Variants in CPNE7 observed in about 807,000 individuals in gnomAD.
The protein encoded by CPNE7 is copine 7.
A neutral mutation model predicts 66.5 loss-of-function variants in CPNE7; 78 were observed. That is an observed-to-expected ratio of 1.17 (90% CI 0.98 to 1.42). CPNE7 has a LOEUF of 1.42. Among genes scored for constraint, CPNE7 ranks in the 40% most tolerant of loss-of-function variants. CPNE7 has a pLI of 0.00. For missense variants in CPNE7, 1,012 were observed against 776.6 expected (o/e 1.30, Z -3.60); for synonymous variants, 468 against 336.7 (o/e 1.39, Z -4.27).
intron 11 of CPNE7, 106 bp downstream of exon 11, chr16:89,590,057 A>G: frequency 7.7e-7 from 1 of 1,292,966 alleles, no homozygotes; most frequent in Non-Finnish European, 1.1e-6. Context: ...TGGGAACCGG[A>G]GACTGTAGGA....
At chr16:89,582,897 G>A (rs985708517) in intron 2 of CPNE7, among the ~76,000 whole-genome samples, 3 of 152,250 alleles carry the variant, frequency 2.0e-5, no homozygotes, top group African/African-American at 7.2e-5. Context: ...AGGAGATGAC[G>A]GCCACCCCGC....
In CPNE7 at chr16:89,577,520, C is replaced by T; in HGVS notation, c.175-19C>T. 2 of 1,550,468 alleles carry T rather than the reference C, an allele frequency of 1.3e-6. No homozygotes were observed. The highest frequency in any genetic ancestry group is 1.7e-6 in the Non-Finnish European group (2 of 1,146,578). Reference sequence around the variant, plus strand: ...GTGGAAGCCTCTGGAGTGGGGTCGGCTCACAGGTGCACTTGCAGGTGGGCA... The same window carrying T: ...GTGGAAGCCTCTGGAGTGGGGTCGGTTCACAGGTGCACTTGCAGGTGGGCA... On this transcript the variant is annotated intron_variant, in intron 1 of 14. Coordinates refer to ENST00000319518, the MANE Select transcript of CPNE7 (RefSeq NM_153636.3).
intron 9 of CPNE7, chr16:89,587,701 C>T (rs1483295006): frequency 5.1e-5 from 18 of 353,592 alleles, no homozygotes; most frequent in Middle Eastern, 8.5e-4. Flanking sequence ...ACGCACACCC[C>T]GTGTCACCCC....
chr16:89,595,036 G>A (rs925338894), intron 13 of CPNE7, among the ~76,000 whole-genome samples: 3 of 151,990 alleles, frequency 2.0e-5, no homozygotes, highest in East Asian at 3.9e-4. Flanking sequence ...TCCTGGGATC[G>A]CAGATTTCTC....
Position 89,586,833 on chromosome 16 carries a change from C to T in CPNE7, c.867+77C>T, listed in dbSNP as rs542356627. The T allele has an allele frequency of 8.8e-6, 12 of 1,366,280 alleles. No individual in the cohort carries two copies. In the African/African-American group the frequency reaches 1.7e-4, roughly 20 times the overall value. The allele number at this position is 1,366,280 out of a possible 1,614,324, so 84.6% of individuals were successfully genotyped here. A position where few individuals can be genotyped will look rare whatever the true frequency, so the allele number is the denominator to read the frequency against. ...TGCCTCCCTCTGATTGTTGGATGGA[C>T]CCTCAACCAGAGGCCTGGTGGGCCC... is the stretch of plus-strand genomic sequence containing the variant. On this transcript the variant is annotated intron_variant, in intron 8 of 14. Coordinates refer to ENST00000319518, the MANE Select transcript of CPNE7 (RefSeq NM_153636.3).
intron 8 of CPNE7, 67 bp downstream of exon 8, chr16:89,586,823 G>T (rs1313439080): frequency 7.8e-6 from 11 of 1,414,044 alleles, no homozygotes; most frequent in East Asian, 2.3e-5. Context: ...CCCTCTGATT[G>T]TTGGATGGAC....
rs114838488 is a variant in CPNE7, at chr16:89,584,791, C to T, written c.525C>T (p.Ser175=). 414 of 1,613,488 alleles carry T rather than the reference C, an allele frequency of 2.6e-4. 4 individuals carry two copies. In the African/African-American group the frequency reaches 4.8e-3, roughly 19 times the overall value. The change falls in exon 5 of 15, where the codon TCC becomes TCT. Residue 175 remains serine, a synonymous_variant. Coordinates refer to ENST00000319518, the MANE Select transcript of CPNE7 (RefSeq NM_153636.3). The surrounding 1 kb of genome is among the most constrained non-coding windows in gnomAD (Gnocchi z 6.0). Reference sequence around the variant, plus strand: ...CTCCCCAGGACCTCTTCAGCAAGTCCGACCCCTTCCTGGAGCTCTACAGGG... The same window carrying T: ...CTCCCCAGGACCTCTTCAGCAAGTCTGACCCCTTCCTGGAGCTCTACAGGG... ...KLDDKDLFSK[S]DPFLELYRVN... is the part of the protein sequence containing the mutation.
In CPNE7 at chr16:89,591,325, G is replaced by T. The variant is rs1197910765; in HGVS notation, c.1302+65G>T. 3 of 1,467,748 alleles carry T rather than the reference G, an allele frequency of 2.0e-6. No homozygotes were observed. In the East Asian group the frequency reaches 7.3e-5, roughly 36 times the overall value. The allele number at this position is 1,467,748 out of a possible 1,614,324, so 90.9% of individuals were successfully genotyped here. A position where few individuals can be genotyped will look rare whatever the true frequency, so the allele number is the denominator to read the frequency against. On this transcript the variant is annotated intron_variant, in intron 13 of 14. Transcript: ENST00000319518. ...TCGGCTGTGTGTGCACCAGCGCGTGGACGTCAGGGAGGCACCTGGCAGAGG... is the reference window on the plus strand; with the variant it reads ...TCGGCTGTGTGTGCACCAGCGCGTGTACGTCAGGGAGGCACCTGGCAGAGG...
At chr16:89,590,063 T>G (rs1238255964) in intron 11 of CPNE7, 112 bp downstream of exon 11, 3 of 1,231,712 alleles carry the variant, frequency 2.4e-6, no homozygotes, top group Non-Finnish European at 3.5e-6. Flanking sequence ...CCGGAGACTG[T>G]AGGATGGGAT....
At position 89,595,559 on chromosome 16, in the gene CPNE7, CTCCGGGACATCGTACAGTTCGTGCCCT is replaced by C; in HGVS notation, c.1503_1529del (p.Asp501_Arg509del). 1 of 1,611,902 alleles carries C rather than the reference CTCCGGGACATCGTACAGTTCGTGCCCT, an allele frequency of 6.2e-7. No individual in the cohort carries two copies. The highest frequency in any genetic ancestry group is 8.5e-7 in the Non-Finnish European group (1 of 1,179,308). ...GCGCTCCCCACGGGGTGAGCCCGCGCTCCGGGACATCGTACAGTTCGTGCCCTTCCGGGAGCTCAAGAACGTGAGTGT... is the reference window on the plus strand; with the variant it reads ...GCGCTCCCCACGGGGTGAGCCCGCGCTCCGGGAGCTCAAGAACGTGAGTGT... On this transcript the variant is annotated inframe_deletion, in exon 14 of 15. Transcript: ENST00000319518.
At chr16:89,594,733 C>T (rs1166205757) in intron 13 of CPNE7, among the ~76,000 whole-genome samples, 3 of 148,530 alleles carry the variant, frequency 2.0e-5, no homozygotes, top group Admixed American at 1.4e-4. Context: ...CTCACTGCAC[C>T]CTCTGCCTCC....
chr16:89,578,922 A>T, intron 2 of CPNE7: 1 of 1,613,880 alleles, frequency 6.2e-7, no homozygotes, highest in Non-Finnish European at 8.5e-7. Flanking sequence ...GCCCTGCTGG[A>T]CACTGCGCTA....
Position 89,575,830 on chromosome 16 carries a change from C to CGCGGCGGCGCCGACTCGCGG in CPNE7, c.-65_-46dup, listed in dbSNP as rs2058851728. ...GGGCCGGCCACCATTTCCCGGGCGCCGCGGCGGCGCCGACTCGCGGGCAGC... is the reference window on the plus strand; with the variant it reads ...GGGCCGGCCACCATTTCCCGGGCGCCGCGGCGGCGCCGACTCGCGGGCGGCGGCGCCGACTCGCGGGCAGC... On this transcript the variant is annotated 5_prime_UTR_variant, in exon 1 of 15. Coordinates refer to ENST00000319518, the MANE Select transcript of CPNE7 (RefSeq NM_153636.3). 33 of 1,093,108 alleles carry CGCGGCGGCGCCGACTCGCGG rather than the reference C, an allele frequency of 3.0e-5. No individual in the cohort carries two copies. The highest frequency in any genetic ancestry group is 3.7e-5 in the Non-Finnish European group (33 of 893,486). The allele number at this position is 1,093,108 out of a possible 1,614,324, so 67.7% of individuals were successfully genotyped here. A position where few individuals can be genotyped will look rare whatever the true frequency, so the allele number is the denominator to read the frequency against.
chr16:89,593,580 C>T (rs933375656), intron 13 of CPNE7, among the ~76,000 whole-genome samples: 3 of 152,100 alleles, frequency 2.0e-5, no homozygotes, highest in Non-Finnish European at 4.4e-5. Flanking sequence ...TCTCGATCTC[C>T]TGACCTCGTG....
intron 12 of CPNE7, 24 bp from the exon 13 acceptor site, chr16:89,591,103 G>C (rs374084337): frequency 1.2e-6 from 2 of 1,613,160 alleles, no homozygotes; most frequent in Non-Finnish European, 1.7e-6. Flanking sequence ...CAGGGGGGCC[G>C]GGCTCACCCC....
intron 2 of CPNE7, chr16:89,583,371 C>T (rs1037178178): frequency 5.0e-6 from 7 of 1,401,974 alleles, no homozygotes; most frequent in East Asian, 5.0e-5. Context: ...CACACCTGTG[C>T]AGGTGCAGGC....
At chr16:89,580,743 C>G (rs2151430751) in intron 2 of CPNE7, among the ~76,000 whole-genome samples, 1 of 149,116 alleles carries the variant, frequency 6.7e-6, no homozygotes, top group East Asian at 2.0e-4. Flanking sequence ...AACATCTCAC[C>G]CATCACACGG....
chr16:89,595,507 G>A lies in CPNE7; in HGVS notation c.1443G>A (p.Gln481=), dbSNP rs763483409. The A allele has an allele frequency of 2.5e-6, 4 of 1,612,664 alleles. 1 individual carries two copies. In the South Asian group the frequency reaches 4.4e-5, roughly 18 times the overall value. ...GVGNADFTDM[Q]VLDGDDGVLR... ...GCAACGCCGACTTCACCGACATGCA[G>A]GTCCTGGACGGCGACGACGGCGTCC... Residue 481 remains glutamine (Q), a synonymous_variant, in exon 14 of 15, where the codon CAG becomes CAA. Transcript: ENST00000319518.
At chr16:89,579,941 T>C (rs1597693806) in intron 2 of CPNE7, among the ~76,000 whole-genome samples, 1 of 44,320 alleles carries the variant, frequency 2.3e-5, no homozygotes, top group African/African-American at 6.0e-5. Context: ...ACAGAACATC[T>C]CACCCGTCAC....
Sources: gnomAD v4.1 joint callset for allele counts (sites outside exome capture counted in the v4.1 genomes callset) on GRCh38, gnomAD v4.1.1 for gene constraint, Gnocchi (gnomAD v3.1) non-coding constraint, MANE v1.5 for transcripts, NCBI Gene and HGNC (gene_info 2026-07-23, HGNC 2026-07-21) for gene names.